The following SNAP25 variants were observed in gnomAD, a reference collection of about 807,000 sequenced individuals.
SNAP25 encodes the protein synaptosomal-associated protein 25.
SNAP25 carries 3 observed loss-of-function variants against 28.7 expected under a neutral mutation model. The observed-to-expected ratio is 0.10, with a 90% CI of 0.05 to 0.27. The LOEUF (loss-of-function observed/expected upper bound fraction) is 0.27, where lower values mean the gene tolerates loss of function less well. SNAP25 is among the 10% of genes least tolerant of loss of function. The probability of loss-of-function intolerance (pLI) is 1.00; values close to 1 mark genes in which losing one functional copy is unlikely to be tolerated. For missense variants in SNAP25, 117 were observed against 278.7 expected (o/e 0.42, Z 4.13); for synonymous variants, 61 against 88.1 (o/e 0.69, Z 1.72).
chr20:10,299,212 G>T (rs2064179752), intron 6 of SNAP25, 56 bp from the exon 7 acceptor site: 1 of 1,585,838 alleles, frequency 6.3e-7, no homozygotes, highest in Non-Finnish European at 8.6e-7. Flanking sequence ...TTGGGTCCTT[G>T]GTATTCAATA....
At chr20:10,274,271 T>C (rs895553919) in intron 1 of SNAP25, among the ~76,000 whole-genome samples, 2 of 152,108 alleles carry the variant, frequency 1.3e-5, no homozygotes, top group African/African-American at 2.4e-5. Context: ...CCACCCTCTT[T>C]GGAGTGATAG....
chr20:10,306,396 G>T lies in SNAP25; in HGVS notation c.*199G>T. 1 of 494,406 alleles carries T rather than the reference G, an allele frequency of 2.0e-6. No individual in the cohort carries two copies. 30.6% of individuals were successfully genotyped at this position (494,406 alleles called of 1,614,324 possible). On this transcript the variant is annotated 3_prime_UTR_variant, in exon 8 of 8. Coordinates refer to ENST00000254976, the MANE Select transcript of SNAP25 (RefSeq NM_130811.4). ...CTCTCTTGGTCTCTTTCTTTCCAAA[G>T]GTTGTACATAGTGGTCATTTGGTGG...
At chr20:10,265,454 A>G (rs201694779) in intron 1 of SNAP25, among the ~76,000 whole-genome samples, 1 of 152,208 alleles carries the variant, frequency 6.6e-6, no homozygotes, top group East Asian at 1.9e-4. Flanking sequence ...CAAAATCCTC[A>G]GTCTCTTCTT....
chr20:10,278,988 G>A (rs1392444169), intron 3 of SNAP25, among the ~76,000 whole-genome samples: 1 of 152,056 alleles, frequency 6.6e-6, no homozygotes, highest in East Asian at 1.9e-4. Context: ...ATGATAATTC[G>A]AGCCTGCAAT....
chr20:10,227,555 A>T (rs2122640328), intron 1 of SNAP25, among the ~76,000 whole-genome samples: 1 of 152,266 alleles, frequency 6.6e-6, no homozygotes, highest in South Asian at 2.1e-4. Flanking sequence ...GTCCCAAGGA[A>T]TTACTTAGGT....
intron 4 of SNAP25, chr20:10,292,801 G>T: frequency 1.2e-6 from 1 of 859,338 alleles, no homozygotes. Context: ...TTCAAATTCT[G>T]TTTCACATAG....
chr20:10,237,144 CAAAG>C (rs778009145), intron 1 of SNAP25, among the ~76,000 whole-genome samples: 2 of 151,898 alleles, frequency 1.3e-5, no homozygotes, highest in Non-Finnish European at 2.9e-5. Flanking sequence ...GACAGGGATT[CAAAG>C]AAAGTCAGTA....
At chr20:10,261,027 T>G (rs2063406010) in intron 1 of SNAP25, among the ~76,000 whole-genome samples, 1 of 152,168 alleles carries the variant, frequency 6.6e-6, no homozygotes, top group African/African-American at 2.4e-5. Flanking sequence ...TGGGTACAGA[T>G]TACAACTAAT....
chr20:10,242,097 G>A (rs1404545047), intron 1 of SNAP25, among the ~76,000 whole-genome samples: 1 of 152,206 alleles, frequency 6.6e-6, no homozygotes, highest in African/African-American at 2.4e-5. Context: ...TGTCTCCACA[G>A]TCTCCGCCTG....
chr20:10,279,145 A>T (rs936825164), intron 3 of SNAP25, among the ~76,000 whole-genome samples: 89 of 152,316 alleles, frequency 5.8e-4, no homozygotes, highest in African/African-American at 2.1e-3. Context: ...TTGAGGATGA[A>T]GAAGGAGGTA....
chr20:10,228,064 TA>T (rs1431962855), intron 1 of SNAP25, among the ~76,000 whole-genome samples: 3 of 152,122 alleles, frequency 2.0e-5, no homozygotes, highest in Non-Finnish European at 4.4e-5. Flanking sequence ...ATTTGGTAAA[TA>T]AGTCCCATTT....
intron 4 of SNAP25, 81 bp downstream of exon 4, chr20:10,284,853 G>T: frequency 8.6e-7 from 1 of 1,159,588 alleles, no homozygotes; most frequent in Admixed American, 1.8e-5. Flanking sequence ...TACGCAGATG[G>T]TCGCTTTGAC....
At chr20:10,265,964 A>ATTT (rs2063499819) in intron 1 of SNAP25, among the ~76,000 whole-genome samples, 1 of 152,194 alleles carries the variant, frequency 6.6e-6, no homozygotes, top group African/African-American at 2.4e-5. Context: ...GGAGTACCAA[A>ATTT]GGTTTGGGGG....
At chr20:10,281,606 A>G (rs1286863162) in intron 3 of SNAP25, among the ~76,000 whole-genome samples, 1 of 152,242 alleles carries the variant, frequency 6.6e-6, no homozygotes, top group Admixed American at 6.5e-5. Context: ...ACACACAGGT[A>G]TAAACGGCAG....
chr20:10,295,930 C>T (rs924206667), intron 5 of SNAP25, among the ~76,000 whole-genome samples: 1 of 152,174 alleles, frequency 6.6e-6, no homozygotes, highest in Non-Finnish European at 1.5e-5. Context: ...AACCACTCTC[C>T]TCCATTACAA....
intron 1 of SNAP25, among the ~76,000 whole-genome samples, chr20:10,245,837 T>C (rs2063117708): frequency 6.6e-6 from 1 of 152,248 alleles, no homozygotes; most frequent in East Asian, 1.9e-4. Context: ...CAAGAACACA[T>C]GTAAATCATA....
chr20:10,291,402 C>G (rs1480420132), intron 4 of SNAP25, among the ~76,000 whole-genome samples: 1 of 151,936 alleles, frequency 6.6e-6, no homozygotes, highest in Admixed American at 6.6e-5. Flanking sequence ...TTTTTTAAGC[C>G]ATCACTGTGC....
chr20:10,287,246 T>C (rs1355233040), intron 4 of SNAP25, among the ~76,000 whole-genome samples: 2 of 151,946 alleles, frequency 1.3e-5, no homozygotes, highest in African/African-American at 2.4e-5. Context: ...AGAAAATTTT[T>C]GCAACCTACT....
intron 1 of SNAP25, among the ~76,000 whole-genome samples, chr20:10,256,028 G>C (rs2063313968): frequency 1.3e-5 from 2 of 152,222 alleles, no homozygotes; most frequent in Admixed American, 1.3e-4. Flanking sequence ...GATTTAGGCA[G>C]ACCTGTTACT....
Sources: allele counts gnomAD v4.1 joint callset (sites outside exome capture counted in the v4.1 genomes callset), GRCh38; gene constraint gnomAD v4.1.1; transcripts MANE v1.5; gene names NCBI Gene and HGNC (gene_info 2026-07-23, HGNC 2026-07-21).